Variants in RALB observed in about 807,000 individuals in gnomAD.
RALB encodes the protein RAS like proto-oncogene B.
In RALB, 16 loss-of-function variants were observed where a neutral mutation model predicts 21.3. That is an observed-to-expected ratio of 0.75 (90% confidence interval 0.51 to 1.14). RALB has a LOEUF of 1.14. Ranked by LOEUF, RALB falls within the 50% of genes most tolerant of loss-of-function variation. RALB has a pLI of 0.00. For missense variants in RALB, 161 were observed against 256.2 expected (o/e 0.63, Z 2.54); for synonymous variants, 93 against 96.1 (o/e 0.97, Z 0.19).
intron 1 of RALB, among the ~76,000 whole-genome samples, chr2:120,259,145 G>A (rs985473067): frequency 6.6e-6 from 1 of 152,234 alleles, no homozygotes. Flanking sequence ...GACCCAAAGA[G>A]TGAGCAGTAG....
intron 2 of RALB, among the ~76,000 whole-genome samples, chr2:120,283,944 A>G (rs1460954532): frequency 6.6e-6 from 1 of 152,234 alleles, no homozygotes. Context: ...AGAGGTATGT[A>G]GGTACAGCAG....
chr2:120,253,728 T>C (rs1689121450), intron 1 of RALB: 1 of 985,302 alleles, frequency 1.0e-6, no homozygotes. Context: ...GGTGTTCTTA[T>C]CAGGTGAGTC....
At chr2:120,264,279 A>G (rs1257997370) in intron 1 of RALB, among the ~76,000 whole-genome samples, 1 of 151,654 alleles carries the variant, frequency 6.6e-6, no homozygotes, top group Non-Finnish European at 1.5e-5. Flanking sequence ...AGCCTCTTGA[A>G]TAGCTTGGAT....
chr2:120,270,856 G>A (rs1573339173), intron 1 of RALB, among the ~76,000 whole-genome samples: 1 of 152,100 alleles, frequency 6.6e-6, no homozygotes, highest in East Asian at 1.9e-4. Flanking sequence ...TCCCTACATT[G>A]TCCCAGCTTT....
At chr2:120,286,457 C>A (rs2104656176) in intron 3 of RALB, among the ~76,000 whole-genome samples, 1 of 152,138 alleles carries the variant, frequency 6.6e-6, no homozygotes, top group South Asian at 2.1e-4. Context: ...AAAAAAGTAG[C>A]AGGTTTAGTC....
At chr2:120,288,385 ATG>A (rs1353592818) in intron 3 of RALB, among the ~76,000 whole-genome samples, 1 of 112,624 alleles carries the variant, frequency 8.9e-6, no homozygotes, top group Middle Eastern at 9.4e-3. Context: ...AGGTCTCCCT[ATG>A]TTGCCCAGGC....
chr2:120,241,891 T>G (rs1009028820), intron 1 of RALB, among the ~76,000 whole-genome samples: 6 of 152,330 alleles, frequency 3.9e-5, no homozygotes, highest in Non-Finnish European at 7.3e-5. Context: ...AGAATTAACA[T>G]AAGATCTGGC....
At chr2:120,283,377 G>T (rs112002845) in intron 2 of RALB, among the ~76,000 whole-genome samples, 1 of 152,236 alleles carries the variant, frequency 6.6e-6, no homozygotes, top group African/African-American at 2.4e-5. Context: ...GAAGCCGAAA[G>T]ATTGGACACC....
intron 1 of RALB, among the ~76,000 whole-genome samples, chr2:120,271,223 G>T (rs1689658153): frequency 6.6e-6 from 1 of 152,134 alleles, no homozygotes. Flanking sequence ...CTCCTAACAT[G>T]TATGGTTTTA....
At chr2:120,259,705 C>G (rs553332476) in intron 1 of RALB, among the ~76,000 whole-genome samples, 1 of 152,268 alleles carries the variant, frequency 6.6e-6, no homozygotes, top group African/African-American at 2.4e-5. Flanking sequence ...GATCCCGCAC[C>G]GGGGCTGCAG....
chr2:120,293,083 A>C (rs1229100677), intron 4 of RALB, 58 bp from the exon 5 acceptor site: 43 of 1,513,214 alleles, frequency 2.8e-5, no homozygotes, highest in Middle Eastern at 3.8e-4. Flanking sequence ...CAAAAGAAAA[A>C]AATCATTAAA....
At position 120,273,429 on chromosome 2, in the gene RALB, G is replaced by A. The variant is rs190253661; in HGVS notation, c.-47-5189G>A. On this transcript the variant is annotated intron_variant, in intron 1 of 4. Coordinates refer to ENST00000272519, the MANE Select transcript of RALB (RefSeq NM_002881.3). ...TGATGTTATCTATAGGAGCAACTGG[G>A]GTAGTCCACATCTTGTGACCTCTGA... Among the ~76,000 whole-genome samples the A allele has an allele frequency of 3.9e-5, 6 of 152,274 alleles. No individual in the cohort carries two copies. In the East Asian group the frequency reaches 1.2e-3, roughly 29 times the overall value.
chr2:120,268,863 G>T (rs1383540101), intron 1 of RALB, among the ~76,000 whole-genome samples: 1 of 152,028 alleles, frequency 6.6e-6, no homozygotes, highest in Non-Finnish European at 1.5e-5. Flanking sequence ...AGAAAAGAAG[G>T]AAAGTCCAAC....
At chr2:120,292,002 A>G (rs1195217243) in intron 4 of RALB, among the ~76,000 whole-genome samples, 1 of 152,210 alleles carries the variant, frequency 6.6e-6, no homozygotes, top group Non-Finnish European at 1.5e-5. Flanking sequence ...AGTCTCTGTC[A>G]TTCTCTATGA....
At chr2:120,240,356 T>C (rs577658695) in intron 1 of RALB, among the ~76,000 whole-genome samples, 1 of 151,880 alleles carries the variant, frequency 6.6e-6, no homozygotes, top group African/African-American at 2.4e-5. Context: ...GTGATCTTGG[T>C]TCACTGCAAC....
chr2:120,284,316 A>C (rs1386694572), intron 2 of RALB, among the ~76,000 whole-genome samples: 8 of 152,210 alleles, frequency 5.3e-5, no homozygotes, highest in Non-Finnish European at 8.8e-5. Flanking sequence ...GACATTTTCA[A>C]TTCCATTTTT....
At chr2:120,274,657 C>T (rs1205063039) in intron 1 of RALB, among the ~76,000 whole-genome samples, 3 of 152,118 alleles carry the variant, frequency 2.0e-5, no homozygotes, top group African/African-American at 7.2e-5. Context: ...GTGAGTATCT[C>T]TGGGTGGTAG....
At chr2:120,285,492 C>T (rs997330465) in intron 2 of RALB, among the ~76,000 whole-genome samples, 1 of 152,152 alleles carries the variant, frequency 6.6e-6, no homozygotes, top group Non-Finnish European at 1.5e-5. Flanking sequence ...ATGGGTGCAG[C>T]ACACCAACAT....
intron 1 of RALB, among the ~76,000 whole-genome samples, chr2:120,266,920 C>T (rs914969003): frequency 7.2e-5 from 11 of 152,182 alleles, no homozygotes; most frequent in African/African-American, 2.4e-4. Context: ...CACGACTTTC[C>T]CTAAGTGAAA....
Sources: gnomAD v4.1 joint callset for allele counts (sites outside exome capture counted in the v4.1 genomes callset) on GRCh38, gnomAD v4.1.1 for gene constraint, MANE v1.5 for transcripts, NCBI Gene and HGNC (gene_info 2026-07-23, HGNC 2026-07-21) for gene names.